The following SGCG variants were observed in gnomAD, a reference collection of about 807,000 sequenced individuals.
The protein encoded by SGCG is gamma-sarcoglycan.
SGCG carries 26 observed loss-of-function variants against 29.3 expected under a neutral mutation model. The observed-to-expected ratio is 0.89, with a 90% confidence interval of 0.65 to 1.23. The LOEUF is 1.23. Among genes scored for constraint, SGCG ranks in the 50% most tolerant of loss-of-function variants. SGCG has a pLI of 0.00. For synonymous variants in SGCG, 145 were observed against 129.7 expected (o/e 1.12, Z -0.80); for missense variants, 353 against 356.0 (o/e 0.99, Z 0.07).
intron 1 of SGCG, among the ~76,000 whole-genome samples, chr13:23,189,271 G>T (rs1350399972): frequency 6.6e-6 from 1 of 152,140 alleles, no homozygotes; most frequent in Non-Finnish European, 1.5e-5. Flanking sequence ...CCGCCTCCTG[G>T]GTTCAAACAA....
At chr13:23,192,158 G>A (rs1877291461) in intron 1 of SGCG, among the ~76,000 whole-genome samples, 1 of 135,366 alleles carries the variant, frequency 7.4e-6, no homozygotes, top group African/African-American at 2.6e-5. Context: ...CTGGGCGACA[G>A]AGTGAGACTG....
At chr13:23,218,488 A>G (rs2137523378) in intron 2 of SGCG, among the ~76,000 whole-genome samples, 1 of 152,308 alleles carries the variant, frequency 6.6e-6, no homozygotes, top group Non-Finnish European at 1.5e-5. Flanking sequence ...ATAAATGTAA[A>G]ATAAACTGTA....
At chr13:23,273,671 G>A (rs947528452) in intron 4 of SGCG, among the ~76,000 whole-genome samples, 1 of 152,118 alleles carries the variant, frequency 6.6e-6, no homozygotes, top group Non-Finnish European at 1.5e-5. Context: ...TGGGTGAATG[G>A]GTCTTTTTGC....
At chr13:23,275,849 A>T (rs7139397) in intron 4 of SGCG, among the ~76,000 whole-genome samples, 125,593 of 151,836 alleles carry the variant, frequency 0.83, 52,763 homozygotes, top group Middle Eastern at 0.95. Context: ...TCCTTTTTTT[A>T]AAAGGACTTT....
intron 2 of SGCG, among the ~76,000 whole-genome samples, chr13:23,217,212 T>C (rs984180787): frequency 1.3e-5 from 2 of 152,124 alleles, no homozygotes; most frequent in Non-Finnish European, 2.9e-5. Context: ...TGTTTCCTAT[T>C]AGTTATTATG....
intron 2 of SGCG, among the ~76,000 whole-genome samples, chr13:23,231,614 A>G (rs1360082201): frequency 6.6e-6 from 1 of 152,214 alleles, no homozygotes. Context: ...TCTAGGCCAT[A>G]AAATCTTTAA....
the SGCG span, among the ~76,000 whole-genome samples, chr13:23,161,136 A>G: frequency 6.6e-6 from 1 of 152,174 alleles, no homozygotes; most frequent in African/African-American, 2.4e-5. Context: ...TTAGAGGGGA[A>G]CTGAAGCGCA....
intron 5 of SGCG, among the ~76,000 whole-genome samples, chr13:23,282,536 C>T (rs1239360988): frequency 6.6e-6 from 1 of 152,152 alleles, no homozygotes; most frequent in African/African-American, 2.4e-5. Flanking sequence ...TATGTGTCCA[C>T]ATGTTCTCAT....
chr13:23,212,957 G>C (rs1878282930), intron 2 of SGCG, among the ~76,000 whole-genome samples: 1 of 152,122 alleles, frequency 6.6e-6, no homozygotes, highest in Admixed American at 6.5e-5. Flanking sequence ...TTTGCTGACA[G>C]TGTTGATGTG....
intron 6 of SGCG, among the ~76,000 whole-genome samples, chr13:23,296,887 A>C (rs1025560455): frequency 6.6e-6 from 1 of 152,192 alleles, no homozygotes; most frequent in African/African-American, 2.4e-5. Flanking sequence ...CATTCCAATA[A>C]TATATTTGTA....
At chr13:23,162,319 T>C in the SGCG span, among the ~76,000 whole-genome samples, 1 of 152,178 alleles carries the variant, frequency 6.6e-6, no homozygotes, top group African/African-American at 2.4e-5. Context: ...GTTTACTGCT[T>C]AAGACTGTAT....
chr13:23,284,599 A>C (rs1881428454), intron 5 of SGCG, among the ~76,000 whole-genome samples: 1 of 152,140 alleles, frequency 6.6e-6, no homozygotes, highest in Non-Finnish European at 1.5e-5. Flanking sequence ...TCTGAAGCCT[A>C]CTTCTGTTCA....
intron 6 of SGCG, among the ~76,000 whole-genome samples, chr13:23,319,911 G>A (rs34656784): frequency 6.6e-6 from 1 of 151,914 alleles, no homozygotes; most frequent in Middle Eastern, 3.2e-3. Context: ...TCTATATTTG[G>A]CTTAACCACA....
At chr13:23,235,127 G>A (rs1879258921) in intron 3 of SGCG, among the ~76,000 whole-genome samples, 1 of 152,196 alleles carries the variant, frequency 6.6e-6, no homozygotes, top group Non-Finnish European at 1.5e-5. Context: ...CCAGCACTTT[G>A]GGAGGCTGAG....
At chr13:23,221,899 C>G (rs926786777) in intron 2 of SGCG, among the ~76,000 whole-genome samples, 1 of 152,146 alleles carries the variant, frequency 6.6e-6, no homozygotes, top group Non-Finnish European at 1.5e-5. Flanking sequence ...CATATATTAT[C>G]CTGTGCACTG....
Position 23,320,700 on chromosome 13 carries a change from C to T in SGCG, c.642C>T (p.His214=), listed in dbSNP as rs528994151. ...CAAGGGGTGTGCATATTCAAGCTCACGCTGGGAAAATTGAGGCGCTTTCTC... is the reference window on the plus strand; with the variant it reads ...CAAGGGGTGTGCATATTCAAGCTCATGCTGGGAAAATTGAGGCGCTTTCTC... ...DAPRGVHIQA[H]AGKIEALSQM... is the part of the protein sequence containing the mutation. The change falls in exon 7 of 8, where the codon CAC becomes CAT. Residue 214 remains histidine, a synonymous_variant. Transcript: ENST00000218867. 2.3e-5 allele frequency: 37 copies of T among 1,611,298 alleles called. No individual in the cohort carries two copies. The highest frequency in any genetic ancestry group is 1.5e-4 in the African/African-American group (11 of 74,586).
At chr13:23,215,681 T>C (rs1207861084) in intron 2 of SGCG, among the ~76,000 whole-genome samples, 1 of 152,082 alleles carries the variant, frequency 6.6e-6, no homozygotes, top group Non-Finnish European at 1.5e-5. Flanking sequence ...AAACTTCTCA[T>C]TATAAAAATA....
intron 1 of SGCG, among the ~76,000 whole-genome samples, chr13:23,183,596 C>T (rs536298672): frequency 6.6e-6 from 1 of 152,244 alleles, no homozygotes; most frequent in African/African-American, 2.4e-5. Flanking sequence ...GACTGTTTAC[C>T]TTTCCCATGA....
intron 4 of SGCG, among the ~76,000 whole-genome samples, chr13:23,256,601 T>G (rs1025912118): frequency 3.9e-5 from 6 of 152,108 alleles, no homozygotes; most frequent in Non-Finnish European, 5.9e-5. Flanking sequence ...ATTGTTCAAT[T>G]CACACCTATG....
Sources: allele counts gnomAD v4.1 joint callset (sites outside exome capture counted in the v4.1 genomes callset), GRCh38; gene constraint gnomAD v4.1.1; transcripts MANE v1.5; gene names NCBI Gene and HGNC (gene_info 2026-07-23, HGNC 2026-07-21).